The following PAK5 variants were observed in gnomAD, a reference collection of about 807,000 sequenced individuals.
The protein encoded by PAK5 is serine/threonine-protein kinase PAK 5.
In PAK5, 16 loss-of-function variants were observed where a neutral mutation model predicts 65.9. The observed-to-expected ratio is 0.24, with a 90% CI of 0.16 to 0.37. The LOEUF (loss-of-function observed/expected upper bound fraction) is 0.37, where lower values mean the gene tolerates loss of function less well. Ranked by LOEUF, PAK5 falls within the 10% of genes least tolerant of loss-of-function variation. PAK5 has a pLI of 1.00. For missense variants in PAK5, 785 were observed against 903.9 expected, an observed-to-expected ratio of 0.87 and a Z score of 1.69; for synonymous variants, 371 against 354.9, an observed-to-expected ratio of 1.05 and a Z score of -0.51.
At chr20:9,743,458 C>T (rs1184733222) in intron 1 of PAK5, among the ~76,000 whole-genome samples, 1 of 151,834 alleles carries the variant, frequency 6.6e-6, no homozygotes, top group Admixed American at 6.6e-5. Context: ...CTGAAAAGCC[C>T]TAAATCTAAA....
At chr20:9,793,356 A>C (rs963155280) in intron 1 of PAK5, among the ~76,000 whole-genome samples, 1 of 152,158 alleles carries the variant, frequency 6.6e-6, no homozygotes, top group African/African-American at 2.4e-5. Flanking sequence ...ATGCTGTTAC[A>C]AAGTAGCCTA....
At chr20:9,774,475 T>G (rs1314691722) in intron 1 of PAK5, among the ~76,000 whole-genome samples, 1 of 152,204 alleles carries the variant, frequency 6.6e-6, no homozygotes, top group African/African-American at 2.4e-5. Context: ...GGCTTTTTCT[T>G]ATAAAATTAA....
chr20:9,667,677 A>G (rs970622119), intron 2 of PAK5, among the ~76,000 whole-genome samples: 3 of 152,176 alleles, frequency 2.0e-5, no homozygotes, highest in African/African-American at 7.2e-5. Context: ...CTGAATCATG[A>G]GATATCATAA....
chr20:9,575,608 G>A (rs376842013), intron 4 of PAK5: 2 of 152,186 alleles, frequency 1.3e-5, no homozygotes, highest in African/African-American at 2.4e-5. Context: ...TTTTACCCAC[G>A]GTTTACACTC....
Position 9,701,405 on chromosome 20 carries a change from G to C in PAK5, c.-12+9881C>G, listed in dbSNP as rs142710679. On this transcript the variant is annotated intron_variant, in intron 2 of 9. Coordinates refer to ENST00000353224, the MANE Select transcript of PAK5 (RefSeq NM_177990.4). ...GACCAGCTGAGCTTGCCTCTGACTA[G>C]AGAAACGTCACTCAGGATCTATGCC... is the stretch of plus-strand genomic sequence containing the variant. Among the ~76,000 whole-genome samples, 800 of 152,232 alleles carry C rather than the reference G, an allele frequency of 5.3e-3. 3 individuals carry two copies. Among genetic ancestry groups the C allele is most frequent in the African/African-American group, 0.018 (746 of 41,550 alleles).
intron 1 of PAK5, among the ~76,000 whole-genome samples, chr20:9,751,277 T>C (rs2048574124): frequency 6.6e-6 from 1 of 152,128 alleles, no homozygotes; most frequent in Admixed American, 6.6e-5. Context: ...CGGGAGAGGC[T>C]TTGCAATATT....
chr20:9,721,157 G>A (rs1271143558), intron 1 of PAK5, among the ~76,000 whole-genome samples: 1 of 152,004 alleles, frequency 6.6e-6, no homozygotes, highest in Admixed American at 6.6e-5. Flanking sequence ...TTGGTACCTG[G>A]TCTTCTGGAG....
chr20:9,616,736 C>G (rs1334042532), intron 3 of PAK5, among the ~76,000 whole-genome samples: 1 of 152,120 alleles, frequency 6.6e-6, no homozygotes, highest in Non-Finnish European at 1.5e-5. Flanking sequence ...GCAAAGCATG[C>G]GTCCTTCCTT....
In PAK5 at chr20:9,779,079, G is replaced by C. The variant is rs115508953; in HGVS notation, c.-162+59683C>G. ...CATGAAATGAACAGTGCCTAGTACA[G>C]CATCCTCAGGAATAGAGAAAAATAT... On this transcript the variant is annotated intron_variant, in intron 1 of 9. Transcript: ENST00000353224. Among the ~76,000 whole-genome samples the C allele has an allele frequency of 6.9e-3, 1,043 of 152,084 alleles. 10 individuals are homozygous for C. Among genetic ancestry groups the C allele is most frequent in the African/African-American group, 0.024 (987 of 41,492 alleles).
intron 1 of PAK5, among the ~76,000 whole-genome samples, chr20:9,740,223 C>T (rs113103262): frequency 9.9e-5 from 15 of 152,164 alleles, no homozygotes; most frequent in Middle Eastern, 3.4e-3. Flanking sequence ...ACAAGGTGCT[C>T]GCACAACCGA....
chr20:9,674,380 T>C (rs915563083), intron 2 of PAK5, among the ~76,000 whole-genome samples: 9 of 152,190 alleles, frequency 5.9e-5, no homozygotes, highest in Non-Finnish European at 2.9e-5. Context: ...TGAGACCCTA[T>C]GTGTCCTGAA....
intron 3 of PAK5, among the ~76,000 whole-genome samples, chr20:9,605,263 T>C (rs1412007511): frequency 6.6e-6 from 1 of 152,168 alleles, no homozygotes; most frequent in Non-Finnish European, 1.5e-5. Context: ...TGGGCAGGAT[T>C]GTCATGTCAG....
intron 3 of PAK5, among the ~76,000 whole-genome samples, chr20:9,602,326 A>C (rs972847151): frequency 1.3e-5 from 2 of 151,408 alleles, no homozygotes; most frequent in African/African-American, 4.9e-5. Flanking sequence ...AAATAAATAA[A>C]TAAATAAATA....
chr20:9,565,110 AAT>A (rs1459881971), intron 5 of PAK5, among the ~76,000 whole-genome samples: 7 of 151,912 alleles, frequency 4.6e-5, no homozygotes, highest in Admixed American at 2.0e-4. Context: ...ACTTTACATT[AAT>A]AAATATAAGT....
chr20:9,666,653 T>C (rs537138872), intron 2 of PAK5, among the ~76,000 whole-genome samples: 2 of 151,972 alleles, frequency 1.3e-5, no homozygotes, highest in African/African-American at 2.4e-5. Context: ...TAAGCTCAGA[T>C]GAACAAGAAA....
At chr20:9,816,086 A>G (rs1373282357) in intron 1 of PAK5, among the ~76,000 whole-genome samples, 2 of 152,178 alleles carry the variant, frequency 1.3e-5, no homozygotes, top group African/African-American at 4.8e-5. Context: ...CTTCAGGGTT[A>G]TGAGGGCAGG....
At chr20:9,763,692 G>A (rs144498270) in intron 1 of PAK5, among the ~76,000 whole-genome samples, 149 of 152,178 alleles carry the variant, frequency 9.8e-4, no homozygotes, top group Non-Finnish European at 1.8e-3. Flanking sequence ...GGAACAAACA[G>A]TATTTTCCCG....
chr20:9,670,937 A>G (rs2047488160), intron 2 of PAK5, among the ~76,000 whole-genome samples: 1 of 152,136 alleles, frequency 6.6e-6, no homozygotes, highest in African/African-American at 2.4e-5. Context: ...ATCTATCTTG[A>G]ATTAATTTTT....
At position 9,625,941 on chromosome 20, in the gene PAK5, T is replaced by G. The variant is rs147650770; in HGVS notation, c.204+18184A>C. ...GACAAAACCATGAAGATCATAGGAT[T>G]TGGAAGGTGAAAAATCATAGCATTC... On this transcript the variant is annotated intron_variant, in intron 3 of 9. Transcript: ENST00000353224. Among the ~76,000 whole-genome samples, 36 of 152,264 alleles carry G rather than the reference T, an allele frequency of 2.4e-4. No individual in the cohort carries two copies. The East Asian group carries it at 6.9e-3, about 29-fold the overall frequency.
Sources: gnomAD v4.1 joint callset for allele counts (sites outside exome capture counted in the v4.1 genomes callset) on GRCh38, gnomAD v4.1.1 for gene constraint, MANE v1.5 for transcripts, NCBI Gene and HGNC (gene_info 2026-07-23, HGNC 2026-07-21) for gene names.